Variants in ARK2N observed in about 807,000 individuals in gnomAD.
ARK2N encodes the protein protein ARK2N.
At chr18:46,236,829 T>G in the ARK2N span, among the ~76,000 whole-genome samples, 1 of 71,992 alleles carries the variant, frequency 1.4e-5, no homozygotes, top group African/African-American at 4.2e-5. Flanking sequence ...TAGCAGCTTC[T>G]GTTTTTTTTT....
the ARK2N span, among the ~76,000 whole-genome samples, chr18:46,221,721 C>T: frequency 2.0e-5 from 3 of 151,644 alleles, no homozygotes; most frequent in African/African-American, 7.3e-5. Flanking sequence ...GCTTTTTAAC[C>T]TTTTGGGGGT....
At chr18:46,240,744 T>C in the ARK2N span, among the ~76,000 whole-genome samples, 1 of 152,258 alleles carries the variant, frequency 6.6e-6, no homozygotes, top group Non-Finnish European at 1.5e-5. Flanking sequence ...TCTCTGTCCC[T>C]GTCTTACATT....
the ARK2N span, among the ~76,000 whole-genome samples, chr18:46,183,684 T>C: frequency 5.9e-5 from 9 of 152,284 alleles, no homozygotes; most frequent in African/African-American, 2.2e-4. Flanking sequence ...TACTATATTG[T>C]ATTTCTGTAA....
At chr18:46,253,766 T>C in the ARK2N span, 1 of 1,613,626 alleles carries the variant, frequency 6.2e-7, no homozygotes, top group South Asian at 1.1e-5. Flanking sequence ...AATGAAGAAA[T>C]TAACATTGCG....
At chr18:46,239,586 G>T in the ARK2N span, among the ~76,000 whole-genome samples, 9 of 152,192 alleles carry the variant, frequency 5.9e-5, no homozygotes, top group African/African-American at 1.9e-4. Flanking sequence ...ATATTACCCA[G>T]TAAGAGAAAG....
At chr18:46,258,650 A>C in the ARK2N span, among the ~76,000 whole-genome samples, 1 of 152,204 alleles carries the variant, frequency 6.6e-6, no homozygotes, top group Non-Finnish European at 1.5e-5. Flanking sequence ...CACCAATTGC[A>C]TGCAGGTTAA....
At chr18:46,231,411 A>G in the ARK2N span, among the ~76,000 whole-genome samples, 1 of 152,176 alleles carries the variant, frequency 6.6e-6, no homozygotes, top group Non-Finnish European at 1.5e-5. Flanking sequence ...TACAGTTGCT[A>G]CAGTGATTTC....
At chr18:46,179,217 A>G in the ARK2N span, among the ~76,000 whole-genome samples, 1 of 152,160 alleles carries the variant, frequency 6.6e-6, no homozygotes, top group South Asian at 2.1e-4. Flanking sequence ...TGCTAGGATT[A>G]CAGAGGTGAG....
At chr18:46,222,053 T>C in the ARK2N span, among the ~76,000 whole-genome samples, 2 of 152,228 alleles carry the variant, frequency 1.3e-5, no homozygotes, top group African/African-American at 4.8e-5. Context: ...AATCTGGCTA[T>C]GTATTAGAAT....
At chr18:46,258,172 C>T in the ARK2N span, among the ~76,000 whole-genome samples, 17 of 152,178 alleles carry the variant, frequency 1.1e-4, no homozygotes, top group Admixed American at 2.0e-4. Context: ...ACGATCTGCC[C>T]GCCTCGGCCT....
At chr18:46,258,128 G>A in the ARK2N span, among the ~76,000 whole-genome samples, 2 of 152,104 alleles carry the variant, frequency 1.3e-5, no homozygotes, top group Non-Finnish European at 2.9e-5. Flanking sequence ...GTTTCACCAT[G>A]TTGCCCCGGC....
At chr18:46,200,762 C>T in the ARK2N span, among the ~76,000 whole-genome samples, 1 of 151,778 alleles carries the variant, frequency 6.6e-6, no homozygotes, top group Non-Finnish European at 1.5e-5. Flanking sequence ...TGTCATTGTC[C>T]CTGCTCATTT....
chr18:46,240,963 T>C, the ARK2N span, among the ~76,000 whole-genome samples: 2 of 152,262 alleles, frequency 1.3e-5, no homozygotes, highest in African/African-American at 4.8e-5. Context: ...ATTGAGAGAC[T>C]GCTTATGCAG....
chr18:46,251,065 G>C, the ARK2N span, among the ~76,000 whole-genome samples: 11 of 152,242 alleles, frequency 7.2e-5, no homozygotes, highest in African/African-American at 2.6e-4. Context: ...AGTATTTCTA[G>C]CACTTAGCAC....
chr18:46,255,459 T>C, the ARK2N span, among the ~76,000 whole-genome samples: 1 of 134,570 alleles, frequency 7.4e-6, no homozygotes, highest in Admixed American at 7.4e-5. Context: ...TTTTTTTTTT[T>C]TTTTTTTTTG....
the ARK2N span, among the ~76,000 whole-genome samples, chr18:46,238,889 T>A: frequency 6.6e-6 from 1 of 152,212 alleles, no homozygotes; most frequent in Non-Finnish European, 1.5e-5. Flanking sequence ...GTCAAGAGTT[T>A]CATAAAATAG....
the ARK2N span, among the ~76,000 whole-genome samples, chr18:46,240,902 TTTG>T: frequency 6.6e-6 from 1 of 152,248 alleles, no homozygotes; most frequent in Non-Finnish European, 1.5e-5. Context: ...TAAACCTTGT[TTTG>T]TTGTTGTTGT....
chr18:46,258,896 C>G, the ARK2N span, among the ~76,000 whole-genome samples: 1 of 152,084 alleles, frequency 6.6e-6, no homozygotes, highest in South Asian at 2.1e-4. Context: ...CTCCCTCTTT[C>G]TCCTGAATTT....
At chr18:46,185,960 C>T in the ARK2N span, among the ~76,000 whole-genome samples, 1 of 152,048 alleles carries the variant, frequency 6.6e-6, no homozygotes, top group East Asian at 1.9e-4. Context: ...GCACTGCAGC[C>T]TGGGCAGCTT....
Sources: allele counts gnomAD v4.1 joint callset (sites outside exome capture counted in the v4.1 genomes callset), GRCh38; gene constraint gnomAD v4.1.1; transcripts MANE v1.5; gene names NCBI Gene and HGNC (gene_info 2026-07-23, HGNC 2026-07-21).